The following FCRL3 variants were observed in gnomAD, a reference collection of about 807,000 sequenced individuals.
The protein encoded by FCRL3 is Fc receptor like 3.
A neutral mutation model predicts 75.0 loss-of-function variants in FCRL3; 89 were observed. The ratio of observed to expected loss-of-function variants is 1.19; its 90% CI spans 1.00 to 1.42. The LOEUF (loss-of-function observed/expected upper bound fraction) is 1.42. FCRL3 is among the 40% of genes most tolerant of loss of function. The pLI is 0.00. For synonymous variants in FCRL3, 376 were observed against 348.5 expected, an observed-to-expected ratio of 1.08 and a Z score of -0.88; for missense variants, 946 against 880.0, an observed-to-expected ratio of 1.07 and a Z score of -0.95.
chr1:157,698,474 C>A lies in FCRL3; in HGVS notation c.208G>T (p.Asp70Tyr). 2.2e-5 allele frequency: 35 copies of A among 1,614,196 alleles called. No homozygotes were observed. Among genetic ancestry groups the A allele is most frequent in the Non-Finnish European group, 2.9e-5 (34 of 1,180,034 alleles). ...CCAGGCTCTGTAATTTGGATCTTGT[C>A]ATGTTTTATTTTCAACAACTTCTCA... ...HDEKLLKIKHDKIQITEPGNY... is the reference protein window; with the variant it reads ...HDEKLLKIKHYKIQITEPGNY... The change falls in exon 4 of 15, where the codon GAC becomes TAC. Residue 70 changes from aspartate (D) to tyrosine (Y), a missense_variant. Asp to Tyr is a radical substitution (Grantham distance 160). Transcript: ENST00000368184.
At chr1:157,685,125 G>T (rs756169259) in intron 10 of FCRL3, among the ~76,000 whole-genome samples, 2 of 151,824 alleles carry the variant, frequency 1.3e-5, no homozygotes, top group Non-Finnish European at 2.9e-5. Flanking sequence ...CTCTCCTGGT[G>T]CTGTGCTGAC....
chr1:157,693,742 C>CTCTT (rs745390964), intron 8 of FCRL3, among the ~76,000 whole-genome samples: 69 of 147,712 alleles, frequency 4.7e-4, no homozygotes, highest in Admixed American at 2.2e-3. Context: ...CTCTCTCTCT[C>CTCTT]TCTTTCTTTC....
At chr1:157,685,345 A>C (rs1478718707) in intron 10 of FCRL3, among the ~76,000 whole-genome samples, 1 of 152,158 alleles carries the variant, frequency 6.6e-6, no homozygotes, top group Non-Finnish European at 1.5e-5. Context: ...CACCAGAGTA[A>C]CAAAACAAAT....
At position 157,678,761 on chromosome 1, in the gene FCRL3, A is replaced by G. The variant is rs1238375108; in HGVS notation, c.2154T>C (p.Asp718=). 1.2e-6 allele frequency: 2 copies of G among 1,614,046 alleles called. No individual in the cohort carries two copies. The highest frequency in any genetic ancestry group is 1.7e-6 in the Non-Finnish European group (2 of 1,179,992). The change falls in exon 15 of 15, where the codon GAT becomes GAC. Residue 718 remains aspartate (D), a synonymous_variant. Transcript: ENST00000368184. ...SSRGRAHEED[D]EENYENVPRV... is the part of the protein sequence containing the mutation. ...GTGGTACATTCTCATAGTTTTCTTC[A>G]TCATCTTCTTCATGGGCCCTGCCTC... is the stretch of plus-strand genomic sequence containing the variant.
In FCRL3 at chr1:157,689,679, T is replaced by C; in HGVS notation, c.1810+119A>G. The C allele has an allele frequency of 2.2e-6, 3 of 1,338,346 alleles. No homozygotes were observed. The South Asian group carries it at 4.7e-5, about 21-fold the overall frequency. 82.9% of individuals were successfully genotyped at this position (1,338,346 alleles called of 1,614,324 possible). ...TTGCCTACAGAGTGACAGTGAGTAG[T>C]GGAACTGAGGGCCTAGTACTTGGAA... On this transcript the variant is annotated intron_variant, in intron 10 of 14. Coordinates refer to ENST00000368184, the MANE Select transcript of FCRL3 (RefSeq NM_052939.4).
At chr1:157,690,226 G>A (rs1196928279) in intron 9 of FCRL3, 29 bp downstream of exon 9, 1 of 1,607,798 alleles carries the variant, frequency 6.2e-7, no homozygotes, top group Non-Finnish European at 8.5e-7. Context: ...CCATAACTGT[G>A]ACCTCTAGCC....
intron 11 of FCRL3, among the ~76,000 whole-genome samples, chr1:157,681,634 G>A (rs1654857203): frequency 6.6e-6 from 1 of 152,038 alleles, no homozygotes; most frequent in Non-Finnish European, 1.5e-5. Context: ...TCTTAATCCA[G>A]TCTATTGTTG....
chr1:157,699,234 A>G (rs1450421870), intron 3 of FCRL3, among the ~76,000 whole-genome samples: 2 of 152,188 alleles, frequency 1.3e-5, no homozygotes, highest in African/African-American at 4.8e-5. Flanking sequence ...TGGAATTGCA[A>G]CTGACTGACA....
intron 8 of FCRL3, among the ~76,000 whole-genome samples, chr1:157,691,262 A>G (rs936270187): frequency 8.5e-5 from 13 of 152,368 alleles, no homozygotes; most frequent in Middle Eastern, 3.4e-3. Flanking sequence ...AAGAAATGGC[A>G]TAGTGGGAAG....
At chr1:157,690,944 C>G (rs186183275) in intron 8 of FCRL3, among the ~76,000 whole-genome samples, 151 of 152,204 alleles carry the variant, frequency 9.9e-4, no homozygotes, top group Non-Finnish European at 1.7e-3. Context: ...TTACTCTCTA[C>G]CTAATCACCT....
chr1:157,681,035 G>C lies in FCRL3; in HGVS notation c.1903C>G (p.Pro635Ala), dbSNP rs767105402. ...SRPSRIDPQE[P>A]THSKPLAPME... is the part of the protein sequence containing the mutation. Reference sequence around the variant, plus strand: ...GGGGCTAGTGGTTTAGAGTGAGTGGGCTCTTGAGGGTCTATCCTGGAAGGC... The same window carrying C: ...GGGGCTAGTGGTTTAGAGTGAGTGGCCTCTTGAGGGTCTATCCTGGAAGGC... The change falls in exon 12 of 15, where the codon CCC becomes GCC. Residue 635 changes from proline to alanine, a missense_variant. Transcript: ENST00000368184. 6.2e-7 allele frequency: 1 copy of C among 1,606,728 alleles called. No individual in the cohort carries two copies.
chr1:157,699,350 G>A (rs1656163484), intron 3 of FCRL3, among the ~76,000 whole-genome samples: 1 of 152,160 alleles, frequency 6.6e-6, no homozygotes, highest in Non-Finnish European at 1.5e-5. Context: ...TATGTCCTTT[G>A]ATAGCAGCAC....
At chr1:157,695,159 A>G (rs975307045) in intron 8 of FCRL3, among the ~76,000 whole-genome samples, 170 bp downstream of exon 8, 2 of 152,206 alleles carry the variant, frequency 1.3e-5, no homozygotes, top group African/African-American at 2.4e-5. Context: ...GGAATGGTCT[A>G]AGTTACTAAA....
Position 157,677,472 on chromosome 1 carries a change from A to G in FCRL3, c.*1238T>C, listed in dbSNP as rs1471699742. 1.0e-6 allele frequency: 1 copy of G among 985,444 alleles called. No homozygotes were observed. The highest frequency in any genetic ancestry group is 1.2e-6 in the Non-Finnish European group (1 of 829,934). 61.0% of individuals were successfully genotyped at this position (985,444 alleles called of 1,614,324 possible). On this transcript the variant is annotated 3_prime_UTR_variant, in exon 15 of 15. Transcript: ENST00000368184. ...TAATCTCAGTTGTCCCTAGGACTTG[A>G]GGTGTTCAGAGATATTTGGAAACAT...
Position 157,695,603 on chromosome 1 carries a change from C to A in FCRL3, c.1137G>T (p.Pro379=). Residue 379 remains proline, a synonymous_variant, in exon 8 of 15, where the codon CCG becomes CCT. Coordinates refer to ENST00000368184, the MANE Select transcript of FCRL3 (RefSeq NM_052939.4). ...TGAAGGTGAGGACAGGGTGAGATAC[C>A]GGAACTGAAGGAGACAAAAGGGCTG... ...STWIRVTVRI[P]VSHPVLTFRA... 6.2e-7 allele frequency: 1 copy of A among 1,601,716 alleles called. No individual in the cohort carries two copies. The highest frequency in any genetic ancestry group is 8.5e-7 in the Non-Finnish European group (1 of 1,174,236).
At position 157,699,682 on chromosome 1, in the gene FCRL3, AGAAAC is replaced by A. The variant is rs540454493; in HGVS notation, c.52+5_52+9del. 3,089 of 1,613,516 alleles carry A rather than the reference AGAAAC, an allele frequency of 1.9e-3. 7 individuals are homozygous for A. Among genetic ancestry groups the A allele is most frequent in the Middle Eastern group, 3.1e-3 (19 of 6,038 alleles). The stretch of plus-strand genomic sequence containing the variant: ...AGAGACCAGAGGGGCAGAGAGAAGG[AGAAAC>A]TTACCTGATTGTTCTCTTCCAGGAG... On this transcript the variant is annotated splice_donor_5th_base_variant and intron_variant, in intron 3 of 14. Transcript: ENST00000368184.
chr1:157,681,919 T>C (rs1251147150), intron 11 of FCRL3, among the ~76,000 whole-genome samples: 2 of 151,990 alleles, frequency 1.3e-5, no homozygotes, highest in Admixed American at 1.3e-4. Context: ...TTCCTGACTT[T>C]TTAATGATCG....
rs1654796761 is a variant in FCRL3 at position 157,680,924 on chromosome 1, T to G, written c.1957+57A>C. On this transcript the variant is annotated intron_variant, in intron 12 of 14. Coordinates refer to ENST00000368184, the MANE Select transcript of FCRL3 (RefSeq NM_052939.4). ...GACAGGGCCATGGGCTGTCGCTCAA[T>G]CCCTCTTCCCTCCCTGGCTCCTCCC... The G allele has an allele frequency of 6.1e-6, 9 of 1,483,670 alleles. No homozygotes were observed. In the Admixed American group the frequency reaches 1.7e-4, roughly 29 times the overall value. The allele number at this position is 1,483,670 out of a possible 1,614,324, so 91.9% of individuals were successfully genotyped here. A position where few individuals can be genotyped will look rare whatever the true frequency, so the allele number is the denominator to read the frequency against.
intron 13 of FCRL3, among the ~76,000 whole-genome samples, chr1:157,680,039 T>A (rs1439753834): frequency 1.3e-5 from 2 of 152,116 alleles, no homozygotes; most frequent in Non-Finnish European, 2.9e-5. Context: ...GTAGTTGGCA[T>A]CAGTGTGAGT....
Sources: gnomAD v4.1 joint callset for allele counts (sites outside exome capture counted in the v4.1 genomes callset) on GRCh38, gnomAD v4.1.1 for gene constraint, MANE v1.5 for transcripts, NCBI Gene and HGNC (gene_info 2026-07-23, HGNC 2026-07-21) for gene names.